NAV1: variants seen among roughly 807,000 people sequenced by gnomAD.
NAV1 encodes the protein neuron navigator 1, also known as pore membrane and/or filament interacting like protein 3.
Under a neutral mutation model 175.2 loss-of-function variants are expected in NAV1, and 18 were observed. The observed-to-expected ratio is 0.10, with a 90% CI of 0.07 to 0.15. NAV1 has a LOEUF of 0.15. Ranked by LOEUF, NAV1 falls within the 10% of genes least tolerant of loss-of-function variation. NAV1 has a pLI of 1.00. For synonymous variants in NAV1, 897 were observed against 978.7 expected, an observed-to-expected ratio of 0.92 and a Z score of 1.56; for missense variants, 1,731 against 2,436.6, an observed-to-expected ratio of 0.71 and a Z score of 6.10.
At position 201,613,297 on chromosome 1, in the gene NAV1, G is replaced by A. The variant is rs1052460558; in HGVS notation, c.-32-9556G>A. 5.6e-5 allele frequency among the ~76,000 whole-genome samples: 8 copies of A among 143,134 alleles called. No individual in the cohort carries two copies. The East Asian group carries it at 7.0e-4, about 13-fold the overall frequency. The allele number at this position is 143,134 out of a possible 152,430, so 93.9% of individuals were successfully genotyped here. On this transcript the variant is annotated intron_variant, in intron 2 of 33. Transcript: ENST00000685211. ...TGTGTAATTTGGTTACCCTCTCCCC[G>A]CCTCCCCCCCGCCACCAACCCCATA...
chr1:201,585,646 G>A (rs1276986951), intron 1 of NAV1, among the ~76,000 whole-genome samples: 2 of 151,980 alleles, frequency 1.3e-5, no homozygotes, highest in African/African-American at 4.8e-5. Flanking sequence ...TTTTAAATGG[G>A]AAAATGACTT....
chr1:201,665,620 T>C (rs1303561970), intron 1 of NAV1, among the ~76,000 whole-genome samples: 13 of 74,168 alleles, frequency 1.8e-4, no homozygotes, highest in African/African-American at 6.3e-4. Context: ...CCTCCTGAGG[T>C]CAGCTGGATC....
At chr1:201,748,688 A>T (rs1477926805) in intron 3 of NAV1, among the ~76,000 whole-genome samples, 4 of 152,214 alleles carry the variant, frequency 2.6e-5, no homozygotes, top group South Asian at 4.1e-4. Context: ...ATCCCCAGAG[A>T]GTCCACAAGA....
chr1:201,593,626 T>C (rs748655080), intron 2 of NAV1, among the ~76,000 whole-genome samples: 11 of 152,178 alleles, frequency 7.2e-5, no homozygotes, highest in Non-Finnish European at 1.6e-4. Flanking sequence ...TGAGCTTCCA[T>C]GTACTGGGCC....
At chr1:201,731,010 C>G (rs772758346) in intron 3 of NAV1, among the ~76,000 whole-genome samples, 1 of 152,054 alleles carries the variant, frequency 6.6e-6, no homozygotes, top group African/African-American at 2.4e-5. Flanking sequence ...GGAACAAGCA[C>G]AGGAAAAGGC....
chr1:201,751,424 C>A (rs560410523), intron 3 of NAV1, among the ~76,000 whole-genome samples: 2 of 152,268 alleles, frequency 1.3e-5, no homozygotes, highest in South Asian at 4.1e-4. Flanking sequence ...TTAGTTTCCC[C>A]CCTTTGAAGA....
chr1:201,663,734 A>G (rs1669703601), intron 1 of NAV1, among the ~76,000 whole-genome samples: 1 of 152,110 alleles, frequency 6.6e-6, no homozygotes, highest in African/African-American at 2.4e-5. Flanking sequence ...ATTTCCCACA[A>G]GCATGGGGCT....
intron 3 of NAV1, among the ~76,000 whole-genome samples, chr1:201,777,308 A>G (rs573573518): frequency 1.2e-4 from 18 of 152,396 alleles, no homozygotes; most frequent in African/African-American, 4.3e-4. Flanking sequence ...GCAAACAGCT[A>G]GAAGATATAT....
At chr1:201,698,806 T>C (rs1000275289) in intron 1 of NAV1, among the ~76,000 whole-genome samples, 1 of 152,070 alleles carries the variant, frequency 6.6e-6, no homozygotes, top group African/African-American at 2.4e-5. Flanking sequence ...GGAGTGGGAG[T>C]GGGCAGGTGG....
At chr1:201,563,204 G>C (rs913120866) in intron 1 of NAV1, among the ~76,000 whole-genome samples, 1 of 152,144 alleles carries the variant, frequency 6.6e-6, no homozygotes, top group Non-Finnish European at 1.5e-5. Context: ...GCTGCCCCTG[G>C]TCACGCTCCC....
chr1:201,662,269 C>G (rs541605416), intron 1 of NAV1, among the ~76,000 whole-genome samples: 62 of 152,374 alleles, frequency 4.1e-4, no homozygotes, highest in African/African-American at 1.5e-3. Context: ...TAGAACATCC[C>G]TGGACCCACT....
At chr1:201,642,517 C>CTTTCTTTCTTTCTT (rs1553247043) in intron 2 of NAV1, among the ~76,000 whole-genome samples, 6 of 118,416 alleles carry the variant, frequency 5.1e-5, no homozygotes, top group South Asian at 2.5e-4. Flanking sequence ...CGGCCTCTTT[C>CTTTCTTTCTTTCTT]TTTCTTTTTT....
chr1:201,735,727 GA>G (rs1004751748), intron 3 of NAV1, among the ~76,000 whole-genome samples: 1 of 152,240 alleles, frequency 6.6e-6, no homozygotes, highest in African/African-American at 2.4e-5. Context: ...TCATGGATGT[GA>G]AAATGCTTTG....
intron 3 of NAV1, among the ~76,000 whole-genome samples, chr1:201,751,320 G>A (rs1226283134): frequency 6.6e-6 from 1 of 152,198 alleles, no homozygotes; most frequent in Non-Finnish European, 1.5e-5. Context: ...CCAGGTTGGA[G>A]CACATTTTTA....
At chr1:201,821,505 G>GAC (rs57007517) in exon 30 of NAV1, 7,513 of 144,442 alleles carry the variant, frequency 0.052, 212 homozygotes, top group East Asian at 0.077. Flanking sequence ...GGTTAAAACA[G>GAC]ACACACACAC....
chr1:201,584,012 C>A lies in NAV1; in HGVS notation c.-143-4527C>A, dbSNP rs571473613. On this transcript the variant is annotated intron_variant, in intron 1 of 33. Transcript: ENST00000685211. ...ATCCAACTGGATCATCTCCAAGATC[C>A]TTTCCAATTGAGAAATTCCATCACC... Among the ~76,000 whole-genome samples, 4 of 152,352 alleles carry A rather than the reference C, an allele frequency of 2.6e-5. No homozygotes were observed. The East Asian group carries it at 7.7e-4, about 29-fold the overall frequency.
Position 201,783,820 on chromosome 1 carries a change from G to C in NAV1, c.2772G>C (p.Trp924Cys), listed in dbSNP as rs374595704. The C allele has an allele frequency of 6.8e-5, 109 of 1,613,464 alleles. No individual in the cohort carries two copies. The highest frequency in any genetic ancestry group is 9.0e-5 in the Non-Finnish European group (106 of 1,179,758). ...AAGAAGAGACGGAAGAGCTGACTTG[G>C]AGTGGAAGCCCCAGAGCTGGGCAAC... Residue 924 changes from tryptophan to cysteine, a missense_variant, in exon 7 of 30, where the codon TGG becomes TGC. Transcript: ENST00000367296.
Position 201,803,732 on chromosome 1 carries a change from G to A in NAV1, c.3639+18G>A, listed in dbSNP as rs1427541199. 6.8e-7 allele frequency: 1 copy of A among 1,463,804 alleles called. No individual in the cohort carries two copies. The highest frequency in any genetic ancestry group is 2.6e-5 in the African/African-American group (1 of 38,056). 90.7% of individuals were successfully genotyped at this position (1,463,804 alleles called of 1,614,324 possible). A position where few individuals can be genotyped will look rare whatever the true frequency, so the allele number is the denominator to read the frequency against. On this transcript the variant is annotated intron_variant, in intron 16 of 29. Transcript: ENST00000367296. ...AGAGTTGGGTAGGTAAAGGTTTGGGGGGTGGGAAGTAGGTAGAACCGTGGT... is the reference window on the plus strand; with the variant it reads ...AGAGTTGGGTAGGTAAAGGTTTGGGAGGTGGGAAGTAGGTAGAACCGTGGT...
At chr1:201,547,745 C>T (rs945297832) in intron 1 of NAV1, among the ~76,000 whole-genome samples, 3 of 152,268 alleles carry the variant, frequency 2.0e-5, no homozygotes, top group South Asian at 4.1e-4. Flanking sequence ...TAAAAACCTG[C>T]GTCTTTTACA....
Sources: gnomAD v4.1 joint callset for allele counts (sites outside exome capture counted in the v4.1 genomes callset) on GRCh38, gnomAD v4.1.1 for gene constraint, MANE v1.5 for transcripts, NCBI Gene and HGNC (gene_info 2026-07-23, HGNC 2026-07-21) for gene names.